Variants in SCARB2 observed in about 807,000 individuals in gnomAD.
SCARB2 encodes the protein scavenger receptor class B member 2.
A neutral mutation model predicts 58.6 loss-of-function variants in SCARB2; 29 were observed. That is an observed-to-expected ratio of 0.49 (90% CI 0.37 to 0.67). SCARB2 has a LOEUF of 0.67. SCARB2 is among the 30% of genes least tolerant of loss of function. SCARB2 has a pLI of 0.00. For synonymous variants in SCARB2, 195 were observed against 210.1 expected (o/e 0.93, Z 0.62); for missense variants, 488 against 578.5 (o/e 0.84, Z 1.60).
rs1470956285 is a variant in SCARB2 at position 76,160,408 on chromosome 4, G to A, written c.*1305C>T. ...AATATGCTTGAATTCTGAACACTGTGACATATGATGGCTCCCAATTCCCTG... is the reference window on the plus strand; with the variant it reads ...AATATGCTTGAATTCTGAACACTGTAACATATGATGGCTCCCAATTCCCTG... On this transcript the variant is annotated 3_prime_UTR_variant, in exon 12 of 12. Coordinates refer to ENST00000264896, the MANE Select transcript of SCARB2 (RefSeq NM_005506.4). The A allele has an allele frequency of 3.3e-5, 5 of 152,212 alleles. No individual in the cohort carries two copies. Among genetic ancestry groups the A allele is most frequent in the Admixed American group, 1.3e-4 (2 of 15,288 alleles). The allele number at this position is 152,212 out of a possible 1,614,324, so 9.4% of individuals were successfully genotyped here.
intron 1 of SCARB2, among the ~76,000 whole-genome samples, chr4:76,198,634 C>A (rs2109963198): frequency 6.6e-6 from 1 of 152,370 alleles, no homozygotes; most frequent in South Asian, 2.1e-4. Context: ...CCCCCACAGC[C>A]CTTCTCTGCC....
In SCARB2 at chr4:76,224,735, G is replaced by A. The variant is rs180914389; in HGVS notation, c.-358+9568C>T. ...AAGCCACTAGGCCCAGCTAATTTTT[G>A]TTATTTTATTTTATTTATTTATTTT... is the stretch of plus-strand genomic sequence containing the variant. On this transcript the variant is annotated intron_variant, in intron 1 of 11. Coordinates refer to the SCARB2 transcript ENST00000638295. Among the ~76,000 whole-genome samples, 7 of 151,974 alleles carry A rather than the reference G, an allele frequency of 4.6e-5. No homozygotes were observed. The East Asian group carries it at 1.4e-3, about 29-fold the overall frequency.
rs144228170 is a variant in SCARB2, at chr4:76,173,864, T to C, written c.994+280A>G. ...GCCATGATTTTTTTTTACCATTCAATAGCCATGTTATGAAACATTGTTCTT... is the reference window on the plus strand; with the variant it reads ...GCCATGATTTTTTTTTACCATTCAACAGCCATGTTATGAAACATTGTTCTT... On this transcript the variant is annotated intron_variant, in intron 7 of 11. Coordinates refer to ENST00000264896, the MANE Select transcript of SCARB2 (RefSeq NM_005506.4). 4,416 of 391,572 alleles carry C rather than the reference T, an allele frequency of 0.011. 34 individuals are homozygous for C. The highest frequency in any genetic ancestry group is 0.015 in the Non-Finnish European group (3,132 of 211,816). The allele number at this position is 391,572 out of a possible 1,614,324, so 24.3% of individuals were successfully genotyped here.
intron 4 of SCARB2, chr4:76,177,182 T>A (rs909844378): frequency 6.6e-6 from 1 of 152,130 alleles, no homozygotes; most frequent in Non-Finnish European, 1.5e-5. Context: ...AGGAGCTCAA[T>A]TTTAAAATGG....
At chr4:76,175,675 A>C in intron 6 of SCARB2, 116 bp downstream of exon 6, 2 of 1,229,618 alleles carry the variant, frequency 1.6e-6, no homozygotes, top group Non-Finnish European at 2.4e-6. Context: ...TTTATCACTG[A>C]TTATGCATAA....
chr4:76,213,430 C>T lies in SCARB2; in HGVS notation c.114G>A (p.Glu38=), dbSNP rs534686738. The change falls in exon 1 of 12, where the codon GAG becomes GAA. Residue 38 remains glutamate, a synonymous_variant. Transcript: ENST00000264896. ...CACACAGCCCGCCCCGCCTCACCTT[C>T]TCGATACTCTGGTCTACAGCCTTCT... ...VFQKAVDQSI[E]KKIVLRNGTE... is the part of the protein sequence containing the mutation. 1.4e-5 allele frequency: 22 copies of T among 1,607,472 alleles called. No homozygotes were observed. The East Asian group carries it at 4.5e-4, about 33-fold the overall frequency.
intron 7 of SCARB2, 45 bp from the exon 8 acceptor site, chr4:76,170,030 T>C: frequency 6.6e-7 from 1 of 1,516,046 alleles, no homozygotes; most frequent in Non-Finnish European, 9.1e-7. Context: ...GTTTTTAAAA[T>C]CTAAGCTGAG....
rs1401788267 is a variant in SCARB2 at position 76,213,468 on chromosome 4, C to CCACCAGCAGCGTGACGCTGGT, written c.55_75dup (p.Thr19_Val25dup). 5 of 1,610,688 alleles carry CCACCAGCAGCGTGACGCTGGT rather than the reference C, an allele frequency of 3.1e-6. No homozygotes were observed. In the South Asian group the frequency reaches 3.3e-5, roughly 11 times the overall value. On this transcript the variant is annotated inframe_insertion, in exon 1 of 12. Coordinates refer to ENST00000264896, the MANE Select transcript of SCARB2 (RefSeq NM_005506.4). Reference sequence around the variant, plus strand: ...TCTACAGCCTTCTGGAAGACCCGGGCCACCAGCAGCGTGACGCTGGTCACC... The same window carrying CCACCAGCAGCGTGACGCTGGT: ...TCTACAGCCTTCTGGAAGACCCGGGCCACCAGCAGCGTGACGCTGGTCACCAGCAGCGTGACGCTGGTCACC...
At chr4:76,164,443 G>A (rs892984310) in intron 10 of SCARB2, 7 of 152,130 alleles carry the variant, frequency 4.6e-5, no homozygotes, top group African/African-American at 1.4e-4. Context: ...GAGGTCATGA[G>A]TTTCAACATG....
intron 11 of SCARB2, chr4:76,163,011 A>G (rs1731929963): frequency 1.6e-6 from 1 of 627,760 alleles, no homozygotes; most frequent in East Asian, 2.7e-5. Flanking sequence ...TTCCCCAAAT[A>G]TTAGATGGTA....
At chr4:76,202,758 G>C in intron 1 of SCARB2, among the ~76,000 whole-genome samples, 1 of 152,208 alleles carries the variant, frequency 6.6e-6, no homozygotes, top group South Asian at 2.1e-4. Flanking sequence ...AAACAAAATT[G>C]AGATCATATG....
At chr4:76,176,315 T>A (rs1268912887) in intron 5 of SCARB2, 122 bp downstream of exon 5, 2 of 673,330 alleles carry the variant, frequency 3.0e-6, no homozygotes, top group Non-Finnish European at 5.2e-6. Context: ...ACAAGACTAT[T>A]TACATGTTTT....
rs761503652 is a variant in SCARB2 at position 76,195,837 on chromosome 4, C to T, written c.145G>A (p.Ala49Thr). 5 of 1,613,454 alleles carry T rather than the reference C, an allele frequency of 3.1e-6. No homozygotes were observed. In the African/African-American group the frequency reaches 4.0e-5, roughly 13 times the overall value. ...GGGGGCTTCTCCCAGGAGTCAAATG[C>T]CTCAGTACCATTCCTTAACACAATT... Reference protein sequence around the residue: ...KKIVLRNGTEAFDSWEKPPLP... With the variant: ...KKIVLRNGTETFDSWEKPPLP... The change falls in exon 2 of 12, where the codon GCA (alanine) becomes ACA (threonine). Residue 49 changes from alanine to threonine, a missense_variant. Transcript: ENST00000264896.
intron 1 of SCARB2, among the ~76,000 whole-genome samples, chr4:76,206,040 C>A (rs1732924675): frequency 1.3e-5 from 2 of 152,076 alleles, no homozygotes; most frequent in East Asian, 3.9e-4. Context: ...GGAGGTGGGG[C>A]CTTTGGAGGT....
rs1733072888 is a variant in SCARB2, at chr4:76,212,515, TG to T, written c.117+911del. On this transcript the variant is annotated intron_variant, in intron 1 of 11. Transcript: ENST00000264896. ...GGCTTTTTTATCTGGCCGCAGCAAG[TG>T]CAGACCAGTGGGAGAAATGAAGCGT... Among the ~76,000 whole-genome samples the T allele has an allele frequency of 3.3e-5, 5 of 152,330 alleles. No individual in the cohort carries two copies. In the East Asian group the frequency reaches 5.8e-4, roughly 18 times the overall value.
Position 76,189,415 on chromosome 4 carries a change from C to T in SCARB2, c.275+6292G>A, listed in dbSNP as rs371669726. Reference sequence around the variant, plus strand: ...GTCATGGCAGAAGGGGACACAAACACGTCCTTTTTCACGTGGCAGCAGCAA... The same window carrying T: ...GTCATGGCAGAAGGGGACACAAACATGTCCTTTTTCACGTGGCAGCAGCAA... On this transcript the variant is annotated intron_variant, in intron 2 of 11. Transcript: ENST00000264896. 1.5e-4 allele frequency among the ~76,000 whole-genome samples: 23 copies of T among 152,292 alleles called. 1 individual carries two copies. Among genetic ancestry groups the T allele is most frequent in the African/African-American group, 5.3e-4 (22 of 41,558 alleles).
intron 2 of SCARB2, among the ~76,000 whole-genome samples, chr4:76,188,042 C>T (rs142750982): frequency 9.2e-5 from 14 of 152,158 alleles, no homozygotes; most frequent in African/African-American, 1.9e-4. Flanking sequence ...AGATATTTCA[C>T]GGGATACTGT....
chr4:76,216,608 A>G (rs544119778), upstream of SCARB2, among the ~76,000 whole-genome samples: 28 of 152,302 alleles, frequency 1.8e-4, no homozygotes, highest in Non-Finnish European at 3.7e-4. Context: ...TGATAAATGT[A>G]TCTTAGTGTG....
intron 5 of SCARB2, 117 bp downstream of exon 5, chr4:76,176,320 T>C (rs758973186): frequency 8.9e-5 from 61 of 688,668 alleles, no homozygotes; most frequent in Non-Finnish European, 1.4e-4. Context: ...ACTATTTACA[T>C]GTTTTTATAT....
Sources: gnomAD v4.1 joint callset for allele counts (sites outside exome capture counted in the v4.1 genomes callset) on GRCh38, gnomAD v4.1.1 for gene constraint, MANE v1.5 for transcripts, NCBI Gene and HGNC (gene_info 2026-07-23, HGNC 2026-07-21) for gene names.